Variants in LRGUK observed in about 807,000 individuals in gnomAD.
LRGUK encodes the protein leucine-rich repeat and guanylate kinase domain-containing protein.
LRGUK carries 65 observed loss-of-function variants against 76.0 expected under a neutral mutation model. The observed-to-expected ratio is 0.85, with a 90% confidence interval of 0.70 to 1.05. The LOEUF (loss-of-function observed/expected upper bound fraction) is 1.05. Among genes scored for constraint, LRGUK ranks in the 50% least tolerant of loss-of-function variants. The pLI is 0.00. For synonymous variants in LRGUK, 268 were observed against 265.6 expected (o/e 1.01, Z -0.09); for missense variants, 758 against 732.8 (o/e 1.03, Z -0.40).
At chr7:134,274,708 T>G in the LRGUK span, among the ~76,000 whole-genome samples, 1 of 152,176 alleles carries the variant, frequency 6.6e-6, no homozygotes. Flanking sequence ...TCATCTTGTT[T>G]CAATGGAAAA....
intron 16 of LRGUK, among the ~76,000 whole-genome samples, chr7:134,236,546 A>G (rs1802021449): frequency 6.6e-6 from 1 of 152,120 alleles, no homozygotes; most frequent in Non-Finnish European, 1.5e-5. Context: ...ATTTCCTGCA[A>G]TTGGCAGTTG....
intron 5 of LRGUK, among the ~76,000 whole-genome samples, chr7:134,154,630 T>C (rs918784047): frequency 6.6e-6 from 1 of 152,246 alleles, no homozygotes; most frequent in Non-Finnish European, 1.5e-5. Context: ...GAAATAATTT[T>C]TCTGGAATGA....
chr7:134,274,781 TCA>T, the LRGUK span, among the ~76,000 whole-genome samples: 121 of 152,320 alleles, frequency 7.9e-4, no homozygotes, highest in African/African-American at 2.9e-3. Flanking sequence ...TTTGAAAATA[TCA>T]GTGCCACCTG....
At chr7:134,206,544 T>A (rs776717102) in intron 15 of LRGUK, among the ~76,000 whole-genome samples, 4 of 150,392 alleles carry the variant, frequency 2.7e-5, no homozygotes, top group Admixed American at 1.3e-4. Context: ...TATATATATA[T>A]AATATATGTA....
the LRGUK span, among the ~76,000 whole-genome samples, chr7:134,270,958 A>T: frequency 6.6e-6 from 1 of 152,066 alleles, no homozygotes; most frequent in Non-Finnish European, 1.5e-5. Flanking sequence ...ATTTTTTCAC[A>T]TTTTCAGCAA....
chr7:134,212,677 A>T (rs1050738388), downstream of LRGUK, among the ~76,000 whole-genome samples: 4 of 152,200 alleles, frequency 2.6e-5, no homozygotes, highest in South Asian at 2.1e-4. Flanking sequence ...AAGTGTATTT[A>T]TTTTTACTAA....
exon 12 of LRGUK, chr7:134,191,702 T>G (rs1800256923): frequency 4.3e-6 from 7 of 1,613,186 alleles, no homozygotes; most frequent in Non-Finnish European, 5.9e-6. Flanking sequence ...GGGGATCGAG[T>G]TGATTATCAT....
At chr7:134,167,394 A>T (rs1799038467) in intron 7 of LRGUK, among the ~76,000 whole-genome samples, 1 of 152,168 alleles carries the variant, frequency 6.6e-6, no homozygotes, top group Non-Finnish European at 1.5e-5. Context: ...TAATGCCTGT[A>T]TCACAGTGAT....
intron 11 of LRGUK, among the ~76,000 whole-genome samples, chr7:134,184,525 T>C (rs1169724600): frequency 1.6e-4 from 25 of 152,072 alleles, no homozygotes; most frequent in Admixed American, 1.6e-3. Flanking sequence ...CACCTTGGCC[T>C]CCCAAAGTGC....
chr7:134,180,810 G>C (rs1298548848), intron 10 of LRGUK, among the ~76,000 whole-genome samples: 1 of 152,044 alleles, frequency 6.6e-6, no homozygotes, highest in Non-Finnish European at 1.5e-5. Flanking sequence ...CATTCATAAT[G>C]TTATGTAACC....
chr7:134,274,026 C>T, the LRGUK span, among the ~76,000 whole-genome samples: 1 of 152,114 alleles, frequency 6.6e-6, no homozygotes, highest in Non-Finnish European at 1.5e-5. Flanking sequence ...TATACACATC[C>T]TGTCTTCCAC....
At chr7:134,233,926 G>A (rs1412297786) in intron 16 of LRGUK, among the ~76,000 whole-genome samples, 3 of 152,186 alleles carry the variant, frequency 2.0e-5, no homozygotes, top group Non-Finnish European at 4.4e-5. Flanking sequence ...AGCTTTGAAT[G>A]CAGCACAACA....
At chr7:134,269,923 T>C in the LRGUK span, among the ~76,000 whole-genome samples, 1 of 152,122 alleles carries the variant, frequency 6.6e-6, no homozygotes, top group Non-Finnish European at 1.5e-5. Context: ...AATAAAAGTC[T>C]AGGAATACAG....
At chr7:134,178,719 C>T (rs1416538115) in intron 10 of LRGUK, 110 bp downstream of exon 10, 39 of 665,756 alleles carry the variant, frequency 5.9e-5, no homozygotes, top group Non-Finnish European at 1.4e-5. Flanking sequence ...ATAAAGGCTG[C>T]TTTTTCCCTT....
intron 19 of LRGUK, among the ~76,000 whole-genome samples, chr7:134,263,031 A>T (rs1455120254): frequency 2.0e-5 from 3 of 150,576 alleles, no homozygotes; most frequent in Middle Eastern, 3.5e-3. Flanking sequence ...TGATAACAAT[A>T]TCCTCTCAAA....
chr7:134,195,554 A>T (rs1336964540), intron 12 of LRGUK, among the ~76,000 whole-genome samples: 1 of 152,118 alleles, frequency 6.6e-6, no homozygotes, highest in Non-Finnish European at 1.5e-5. Flanking sequence ...TGTTCTATTG[A>T]GGCCTTCAAC....
the LRGUK span, among the ~76,000 whole-genome samples, chr7:134,271,031 TAA>T: frequency 6.6e-6 from 1 of 152,062 alleles, no homozygotes; most frequent in East Asian, 1.9e-4. Flanking sequence ...ATTGTGGTGT[TAA>T]GTGTTTAGTT....
chr7:134,190,263 A>G (rs1379233938), intron 11 of LRGUK, among the ~76,000 whole-genome samples: 1 of 152,156 alleles, frequency 6.6e-6, no homozygotes, highest in East Asian at 1.9e-4. Flanking sequence ...CTGGAATGCA[A>G]TGGGGCAATT....
chr7:134,202,501 AG>A (rs972304239), intron 15 of LRGUK, among the ~76,000 whole-genome samples: 3 of 152,212 alleles, frequency 2.0e-5, no homozygotes, highest in East Asian at 3.9e-4. Flanking sequence ...TACCTCCAAA[AG>A]AATTGAAGGC....
Sources: allele counts gnomAD v4.1 joint callset (sites outside exome capture counted in the v4.1 genomes callset), GRCh38; gene constraint gnomAD v4.1.1; transcripts MANE v1.5; gene names NCBI Gene and HGNC (gene_info 2026-07-23, HGNC 2026-07-21).